Variants in IL1RAPL1 observed in about 807,000 individuals in gnomAD.
IL1RAPL1 encodes interleukin 1 receptor accessory protein like 1, also known as interleukin-1 receptor accessory protein-like 1.
Under a neutral mutation model 48.4 loss-of-function variants are expected in IL1RAPL1, and 3 were observed. That is an observed-to-expected ratio of 0.06 (90% confidence interval 0.03 to 0.16). The LOEUF (loss-of-function observed/expected upper bound fraction) is 0.16, where lower values mean the gene tolerates loss of function less well. Ranked by LOEUF, IL1RAPL1 falls within the 10% of genes least tolerant of loss-of-function variation. IL1RAPL1 has a pLI of 1.00. For synonymous variants in IL1RAPL1, 185 were observed against 187.7 expected (o/e 0.99, Z 0.12); for missense variants, 349 against 530.6 (o/e 0.66, Z 3.36).
intron 2 of IL1RAPL1, among the ~76,000 whole-genome samples, chrX:29,045,933 C>T (rs866271354): frequency 6.9e-5 from 3 of 43,232 alleles, no homozygotes; most frequent in Non-Finnish European, 1.0e-4. Context: ...TCCTCCTCCT[C>T]CTCCTTCTTC....
intron 1 of IL1RAPL1, among the ~76,000 whole-genome samples, chrX:28,611,665 C>T (rs919545811): frequency 8.9e-6 from 1 of 112,878 alleles, no homozygotes; most frequent in African/African-American, 3.2e-5. Flanking sequence ...ACAAAATGTG[C>T]CGTTGGGCAA....
chrX:29,314,018 C>T (rs1392202509), intron 3 of IL1RAPL1, among the ~76,000 whole-genome samples: 2 of 112,137 alleles, frequency 1.8e-5, no homozygotes, highest in African/African-American at 6.5e-5. Context: ...GATAGTTACA[C>T]GAACCCAGGT....
At chrX:29,020,269 T>G (rs1360971542) in intron 2 of IL1RAPL1, among the ~76,000 whole-genome samples, 1 of 112,640 alleles carries the variant, frequency 8.9e-6, no homozygotes, top group Non-Finnish European at 1.9e-5. Context: ...TGTACAGTTA[T>G]GCTCTGCATG....
At chrX:29,487,387 C>A (rs1254929239) in intron 5 of IL1RAPL1, among the ~76,000 whole-genome samples, 1 of 111,739 alleles carries the variant, frequency 8.9e-6, no homozygotes, top group Non-Finnish European at 1.9e-5. Context: ...TTTGAACTGG[C>A]CTGTGAGTGT....
chrX:29,586,017 G>T (rs990936547), intron 5 of IL1RAPL1, among the ~76,000 whole-genome samples: 6 of 111,060 alleles, frequency 5.4e-5, no homozygotes, highest in Middle Eastern at 9.3e-3. Context: ...ATTGTTTTTT[G>T]TTGTTGTTGT....
intron 3 of IL1RAPL1, among the ~76,000 whole-genome samples, chrX:29,356,691 A>G (rs1259911543): frequency 9.0e-6 from 1 of 111,229 alleles, no homozygotes; most frequent in African/African-American, 3.3e-5. Flanking sequence ...AGTTGCCTCT[A>G]CATCTATACG....
intron 8 of IL1RAPL1, among the ~76,000 whole-genome samples, chrX:29,930,793 G>A (rs910286595): frequency 2.7e-5 from 3 of 110,967 alleles, no homozygotes; most frequent in Non-Finnish European, 3.8e-5. Context: ...ATGTACTCTT[G>A]CTCCCACTTT....
chrX:29,019,637 G>A (rs1294963288), intron 2 of IL1RAPL1, among the ~76,000 whole-genome samples: 1 of 111,641 alleles, frequency 9.0e-6, no homozygotes, highest in Non-Finnish European at 1.9e-5. Context: ...TTTTAATTGT[G>A]TTTAAGGTCT....
At chrX:29,069,033 C>G (rs1007584272) in intron 2 of IL1RAPL1, among the ~76,000 whole-genome samples, 4 of 112,019 alleles carry the variant, frequency 3.6e-5, no homozygotes, top group African/African-American at 1.3e-4. Context: ...TCTCTCCCAG[C>G]GAATACAGTT....
intron 5 of IL1RAPL1, among the ~76,000 whole-genome samples, chrX:29,607,648 C>G (rs774514086): frequency 1.1e-3 from 120 of 111,436 alleles, no homozygotes; most frequent in Middle Eastern, 9.2e-3. Context: ...TTCTCTGGGA[C>G]TTAATGATTC....
At chrX:29,410,139 C>T (rs748739174) in intron 5 of IL1RAPL1, among the ~76,000 whole-genome samples, 1 of 110,117 alleles carries the variant, frequency 9.1e-6, no homozygotes, top group East Asian at 2.9e-4. Context: ...AATTCTTCCA[C>T]ATAACCTCAA....
At chrX:28,644,806 A>G (rs2146900538) in intron 1 of IL1RAPL1, among the ~76,000 whole-genome samples, 1 of 111,756 alleles carries the variant, frequency 8.9e-6, no homozygotes, top group African/African-American at 3.2e-5. Flanking sequence ...AACTGTTCAC[A>G]CTTTTATTTA....
intron 5 of IL1RAPL1, among the ~76,000 whole-genome samples, chrX:29,539,465 G>T (rs191108423): frequency 9.0e-6 from 1 of 111,325 alleles, no homozygotes; most frequent in African/African-American, 3.3e-5. Flanking sequence ...ATTTGAACAA[G>T]ACAAGGATGC....
chrX:29,449,463 G>T (rs990680140), intron 5 of IL1RAPL1, among the ~76,000 whole-genome samples: 2 of 110,527 alleles, frequency 1.8e-5, no homozygotes, highest in African/African-American at 6.6e-5. Flanking sequence ...TTACTATGAG[G>T]TGTGGGTGTA....
intron 1 of IL1RAPL1, among the ~76,000 whole-genome samples, chrX:28,661,421 T>G: frequency 9.0e-6 from 1 of 111,731 alleles, no homozygotes; most frequent in Non-Finnish European, 1.9e-5. Flanking sequence ...GGTCAATTTT[T>G]ATTCTAAATA....
chrX:28,657,591 A>T (rs1934763716), intron 1 of IL1RAPL1, among the ~76,000 whole-genome samples: 1 of 112,880 alleles, frequency 8.9e-6, no homozygotes, highest in African/African-American at 3.2e-5. Flanking sequence ...ATTTTCAAAG[A>T]CCTTTTCCCT....
At chrX:28,655,485 C>G (rs986338117) in intron 1 of IL1RAPL1, among the ~76,000 whole-genome samples, 2 of 111,071 alleles carry the variant, frequency 1.8e-5, no homozygotes, top group African/African-American at 6.5e-5. Flanking sequence ...TGCTGAAAAA[C>G]TAAAGTTTTT....
intron 6 of IL1RAPL1, among the ~76,000 whole-genome samples, chrX:29,906,457 GTAAATATATATATATA>G: frequency 2.3e-5 from 1 of 43,343 alleles, no homozygotes; most frequent in Non-Finnish European, 4.1e-5. Context: ...ACATAACTTT[GTAAATATATATATATA>G]TATATATATA....
intron 5 of IL1RAPL1, among the ~76,000 whole-genome samples, chrX:29,639,045 G>T (rs1268736027): frequency 9.0e-6 from 1 of 110,536 alleles, no homozygotes; most frequent in Non-Finnish European, 1.9e-5. Context: ...CATTAGCTGG[G>T]CGTGGTGGTG....
Sources: allele counts gnomAD v4.1 joint callset (sites outside exome capture counted in the v4.1 genomes callset), GRCh38; gene constraint gnomAD v4.1.1; transcripts MANE v1.5; gene names NCBI Gene and HGNC (gene_info 2026-07-23, HGNC 2026-07-21).